Variants in LARP1 observed in about 807,000 individuals in gnomAD.
LARP1 encodes the protein La ribonucleoprotein 1, translational regulator.
LARP1 carries 36 observed loss-of-function variants against 122.7 expected under a neutral mutation model. The ratio of observed to expected loss-of-function variants is 0.29; its 90% CI spans 0.22 to 0.39. LARP1 has a LOEUF of 0.39. Ranked by LOEUF, LARP1 falls within the 10% of genes least tolerant of loss-of-function variation. LARP1 has a pLI of 1.00. For missense variants in LARP1, 1,040 were observed against 1,403.6 expected (o/e 0.74, Z 4.14); for synonymous variants, 539 against 528.7 (o/e 1.02, Z -0.27).
In LARP1 at chr5:154,803,821, G is replaced by A. The variant is rs760887208; in HGVS notation, c.2439+76G>A. 7.0e-7 allele frequency: 1 copy of A among 1,431,004 alleles called. No individual in the cohort carries two copies. Among genetic ancestry groups the A allele is most frequent in the Admixed American group, 1.8e-5 (1 of 55,924 alleles). The allele number at this position is 1,431,004 out of a possible 1,614,324, so 88.6% of individuals were successfully genotyped here. A position where few individuals can be genotyped will look rare whatever the true frequency, so the allele number is the denominator to read the frequency against. On this transcript the variant is annotated intron_variant, in intron 13 of 18. Transcript: ENST00000518297. The surrounding 1 kb of genome is among the most constrained non-coding windows in gnomAD (Gnocchi z 4.4). ...TTCCAGTGCTTTGCTTCTCTCCCTT[G>A]CCTTGTCTGAGCTAAGGAAGTGCTA...
chr5:154,712,049 G>A (rs1755246372), upstream of LARP1, among the ~76,000 whole-genome samples: 1 of 152,156 alleles, frequency 6.6e-6, no homozygotes, highest in African/African-American at 2.4e-5. Flanking sequence ...TCTCCAGAAT[G>A]TAAACTCAAT....
intron 1 of LARP1, among the ~76,000 whole-genome samples, chr5:154,737,686 G>A (rs1258240431): frequency 6.6e-6 from 1 of 151,964 alleles, no homozygotes; most frequent in Admixed American, 6.6e-5. Flanking sequence ...GAAAGACAGT[G>A]ATTAGTTCTG....
intron 1 of LARP1, among the ~76,000 whole-genome samples, chr5:154,706,818 A>G (rs577487951): frequency 6.6e-6 from 1 of 152,310 alleles, no homozygotes; most frequent in South Asian, 2.1e-4. Context: ...AAACAAACAA[A>G]AAAAGAGGCA....
At chr5:154,685,879 TAC>T in intron 1 of LARP1, 5 of 507,858 alleles carry the variant, frequency 9.8e-6, no homozygotes, top group Non-Finnish European at 1.9e-5. Flanking sequence ...ATGTAAACTG[TAC>T]AGCCCTAAGT....
intron 1 of LARP1, among the ~76,000 whole-genome samples, chr5:154,693,582 G>T (rs6897388): frequency 1.3e-5 from 2 of 151,958 alleles, no homozygotes; most frequent in East Asian, 3.9e-4. Context: ...TCGACTGGGC[G>T]CGGTGGCTCA....
chr5:154,728,944 G>T (rs550563118), intron 1 of LARP1, among the ~76,000 whole-genome samples: 3 of 152,244 alleles, frequency 2.0e-5, no homozygotes, highest in Non-Finnish European at 4.4e-5. Flanking sequence ...CTGGAAATGG[G>T]CCCTCTCAGG....
chr5:154,687,936 C>T (rs549630422), intron 1 of LARP1, among the ~76,000 whole-genome samples: 5 of 152,252 alleles, frequency 3.3e-5, no homozygotes, highest in African/African-American at 9.6e-5. Flanking sequence ...CAGGTGGGCT[C>T]TCCTGGGGGT....
chr5:154,707,530 CCA>C (rs778095822), intron 1 of LARP1, among the ~76,000 whole-genome samples: 1 of 152,138 alleles, frequency 6.6e-6, no homozygotes, highest in Non-Finnish European at 1.5e-5. Flanking sequence ...TATTTAGAGA[CCA>C]CAGTCTGGGC....
chr5:154,726,133 C>T (rs1438707545), intron 1 of LARP1, among the ~76,000 whole-genome samples: 1 of 152,078 alleles, frequency 6.6e-6, no homozygotes, highest in Non-Finnish European at 1.5e-5. Flanking sequence ...AGCCACCGCA[C>T]CTGGCCAACA....
chr5:154,719,387 T>A (rs535316079), intron 1 of LARP1, among the ~76,000 whole-genome samples: 6 of 152,324 alleles, frequency 3.9e-5, no homozygotes, highest in Admixed American at 2.0e-4. Flanking sequence ...ATTGATGTCA[T>A]GGATCCCTTG....
intron 1 of LARP1, among the ~76,000 whole-genome samples, chr5:154,696,176 G>C (rs115380568): frequency 1.3e-5 from 2 of 151,986 alleles, no homozygotes; most frequent in Non-Finnish European, 2.9e-5. Flanking sequence ...GGGTAACACG[G>C]AGAAACACTT....
rs539566408 is a variant in LARP1, at chr5:154,756,537, C to G, written c.436+344C>G. The G allele has an allele frequency of 1.8e-3, 1,727 of 981,810 alleles. 3 individuals carry two copies. Among genetic ancestry groups the G allele is most frequent in the Non-Finnish European group, 2.0e-3 (1,673 of 826,420 alleles). 60.8% of individuals were successfully genotyped at this position (981,810 alleles called of 1,614,324 possible). On this transcript the variant is annotated intron_variant, in intron 1 of 18. Coordinates refer to ENST00000518297, the MANE Select transcript of LARP1 (RefSeq NM_033551.3). ...CGCATGCTGGTGTAAGAGACGGTTT[C>G]TGGTTTGAACCTTCCTCTGGAAGCC... is the stretch of plus-strand genomic sequence containing the variant.
chr5:154,756,270 A>G, intron 1 of LARP1, 77 bp downstream of exon 1: 3 of 1,080,326 alleles, frequency 2.8e-6, no homozygotes, highest in South Asian at 1.8e-5. Flanking sequence ...CAGCACCTCC[A>G]GGGCCCCGGG....
Position 154,799,585 on chromosome 5 carries a change from C to T in LARP1, c.1378-6C>T. 1 of 1,613,854 alleles carries T rather than the reference C, an allele frequency of 6.2e-7. No individual in the cohort carries two copies. The highest frequency in any genetic ancestry group is 1.1e-5 in the South Asian group (1 of 91,066). On this transcript the variant is annotated splice_region_variant and splice_polypyrimidine_tract_variant and intron_variant, in intron 8 of 18. Coordinates refer to ENST00000518297, the MANE Select transcript of LARP1 (RefSeq NM_033551.3). ...TTAATCCCCTCTTCCTTCTCCTCCC[C>T]TTCAGGCCCTAAAGGACAGCAAGGT...
chr5:154,803,509 T>C lies in LARP1; in HGVS notation c.2234-31T>C. ...GGGGTGGATGCCACAGGCCTTTCCC[T>C]GCTTCCTGACTCCTCTCTCTGCCTC... On this transcript the variant is annotated intron_variant, in intron 12 of 18. Transcript: ENST00000518297. This position sits in a 1 kb window ranked among gnomAD's most constrained non-coding sequence, Gnocchi z 4.4. The C allele has an allele frequency of 6.2e-7, 1 of 1,614,114 alleles. No homozygotes were observed. Among genetic ancestry groups the C allele is most frequent in the South Asian group, 1.1e-5 (1 of 91,084 alleles).
intron 14 of LARP1, 29 bp downstream of exon 14, chr5:154,804,336 C>T (rs938960289): frequency 1.3e-6 from 2 of 1,543,212 alleles, no homozygotes; most frequent in Non-Finnish European, 1.8e-6. Flanking sequence ...GAAGAGTGAT[C>T]AGGCTGCCTA....
At chr5:154,782,547 C>T (rs1756544963) in intron 1 of LARP1, among the ~76,000 whole-genome samples, 3 of 152,114 alleles carry the variant, frequency 2.0e-5, no homozygotes, top group Non-Finnish European at 2.9e-5. Flanking sequence ...TGGCCAGCAT[C>T]ATGTGACTGG....
At chr5:154,755,201 G>A (rs1331454197), upstream of LARP1, among the ~76,000 whole-genome samples, 2 of 148,882 alleles carry the variant, frequency 1.3e-5, no homozygotes, top group African/African-American at 2.5e-5. Context: ...GGACCGCGTA[G>A]CCGTGCGCGC....
chr5:154,788,138 A>T (rs1757034662), intron 1 of LARP1, among the ~76,000 whole-genome samples: 1 of 152,116 alleles, frequency 6.6e-6, no homozygotes, highest in Non-Finnish European at 1.5e-5. Context: ...GTATATATGA[A>T]CCTGGTCCTG....
Sources: allele counts gnomAD v4.1 joint callset (sites outside exome capture counted in the v4.1 genomes callset), GRCh38; gene constraint gnomAD v4.1.1; non-coding constraint Gnocchi (gnomAD v3.1); transcripts MANE v1.5; gene names NCBI Gene and HGNC (gene_info 2026-07-23, HGNC 2026-07-21).